MPP7: variants seen among roughly 807,000 people sequenced by gnomAD.
The protein encoded by MPP7 is MAGUK p55 scaffold protein 7.
Under a neutral mutation model 76.5 loss-of-function variants are expected in MPP7, and 60 were observed. The observed-to-expected ratio is 0.78, with a 90% CI of 0.64 to 0.97. MPP7 has a LOEUF of 0.97. Ranked by LOEUF, MPP7 falls within the 50% of genes least tolerant of loss-of-function variation. The pLI, the probability that MPP7 is intolerant of heterozygous loss-of-function variation, is 0.00. For missense variants in MPP7, 641 were observed against 694.0 expected (o/e 0.92, Z 0.86); for synonymous variants, 237 against 244.5 (o/e 0.97, Z 0.29).
At chr10:28,114,790 A>T (rs1490686434) in intron 11 of MPP7, among the ~76,000 whole-genome samples, 1 of 152,212 alleles carries the variant, frequency 6.6e-6, no homozygotes, top group Admixed American at 6.5e-5. Flanking sequence ...AGGACAAAAT[A>T]CAAGAGACAA....
chr10:28,082,092 T>G (rs970213679), intron 12 of MPP7, among the ~76,000 whole-genome samples: 3 of 152,182 alleles, frequency 2.0e-5, no homozygotes, highest in Non-Finnish European at 4.4e-5. Flanking sequence ...ACTTATACTT[T>G]TTCCATCTTC....
chr10:28,256,949 T>A (rs1468301344), intron 1 of MPP7, among the ~76,000 whole-genome samples: 1 of 152,188 alleles, frequency 6.6e-6, no homozygotes, highest in Admixed American at 6.5e-5. Context: ...AGAGACAAAT[T>A]CCTATTTGAT....
At chr10:28,331,669 G>C (rs1834470843) in intron 1 of MPP7, among the ~76,000 whole-genome samples, 1 of 152,038 alleles carries the variant, frequency 6.6e-6, no homozygotes, top group Admixed American at 6.6e-5. Flanking sequence ...CCACCTCCAG[G>C]GTTCAAGCGA....
At position 28,170,182 on chromosome 10, in the gene MPP7, T is replaced by C. The variant is rs369720391; in HGVS notation, c.157-20123A>G. On this transcript the variant is annotated intron_variant, in intron 3 of 16. Coordinates refer to ENST00000683449, the MANE Select transcript of MPP7 (RefSeq NM_001318170.2). The stretch of plus-strand genomic sequence containing the variant: ...TTCTGCCTTTATGTATATACATATA[T>C]ATGTTTCTATTTATGTATATGTTCT... Among the ~76,000 whole-genome samples, 12 of 152,148 alleles carry C rather than the reference T, an allele frequency of 7.9e-5. No homozygotes were observed. The East Asian group carries it at 1.3e-3, about 17-fold the overall frequency.
intron 1 of MPP7, among the ~76,000 whole-genome samples, chr10:28,277,020 C>T (rs1018279886): frequency 6.6e-6 from 1 of 151,722 alleles, no homozygotes; most frequent in Non-Finnish European, 1.5e-5. Context: ...TAGTGAGATG[C>T]TGCCTCTACA....
At chr10:28,277,707 G>A (rs1418927821) in intron 1 of MPP7, among the ~76,000 whole-genome samples, 1 of 152,116 alleles carries the variant, frequency 6.6e-6, no homozygotes, top group Non-Finnish European at 1.5e-5. Context: ...CAAAGCAGCA[G>A]CTGTAGTAAT....
At position 28,303,012 on chromosome 10, in the gene MPP7, G is replaced by A. The variant is rs1349305709; in HGVS notation, c.-283C>T. 6.7e-6 allele frequency among the ~76,000 whole-genome samples: 1 copy of A among 150,112 alleles called. No homozygotes were observed. Among genetic ancestry groups the A allele is most frequent in the South Asian group, 2.1e-4 (1 of 4,830 alleles). On this transcript the variant is annotated 5_prime_UTR_variant, in exon 1 of 17. Coordinates refer to ENST00000683449, the MANE Select transcript of MPP7 (RefSeq NM_001318170.2). ...GGCACCGCCGCGGCGGGCGCAGAAC[G>A]CACGAGCCCAGTGGGAGCCCGGCCC...
chr10:28,108,392 T>G (rs781453005), intron 11 of MPP7, among the ~76,000 whole-genome samples: 1 of 152,144 alleles, frequency 6.6e-6, no homozygotes, highest in Non-Finnish European at 1.5e-5. Flanking sequence ...CAGTGGCTCA[T>G]GCCTATAATC....
chr10:28,328,999 A>T (rs1171572644), intron 2 of MPP7, among the ~76,000 whole-genome samples: 4 of 152,192 alleles, frequency 2.6e-5, no homozygotes, highest in Non-Finnish European at 4.4e-5. Context: ...AAAATGTATT[A>T]TAAAGGTACT....
At chr10:28,264,497 C>T (rs1247255456) in intron 1 of MPP7, among the ~76,000 whole-genome samples, 1 of 152,010 alleles carries the variant, frequency 6.6e-6, no homozygotes, top group Non-Finnish European at 1.5e-5. Flanking sequence ...TTAAATTAGA[C>T]CGTCCTGGTG....
chr10:28,231,038 T>A (rs572586052), intron 2 of MPP7, among the ~76,000 whole-genome samples: 1 of 152,270 alleles, frequency 6.6e-6, no homozygotes, highest in Non-Finnish European at 1.5e-5. Context: ...AATATACCTA[T>A]GGTTAAACAT....
intron 1 of MPP7, among the ~76,000 whole-genome samples, chr10:28,294,824 C>G (rs1841002669): frequency 6.6e-6 from 1 of 152,200 alleles, no homozygotes; most frequent in Admixed American, 6.5e-5. Context: ...CACTTACATT[C>G]ACAACAAAAT....
At chr10:28,129,216 TACTGTACAA>T (rs1486397704) in intron 6 of MPP7, among the ~76,000 whole-genome samples, 15 of 152,294 alleles carry the variant, frequency 9.8e-5, no homozygotes, top group African/African-American at 3.6e-4. Flanking sequence ...TTACACGTGA[TACTGTACAA>T]AAGTCATCAA....
At chr10:28,123,432 T>C (rs1351244803) in intron 8 of MPP7, among the ~76,000 whole-genome samples, 1 of 150,814 alleles carries the variant, frequency 6.6e-6, no homozygotes, top group East Asian at 1.9e-4. Context: ...CTGCTAAGTA[T>C]AGACTTGGGA....
intron 1 of MPP7, among the ~76,000 whole-genome samples, chr10:28,274,911 T>C (rs564971341): frequency 6.6e-6 from 1 of 152,314 alleles, no homozygotes; most frequent in African/African-American, 2.4e-5. Context: ...ATTTTATCCT[T>C]AGATTCTAAG....
At chr10:28,102,574 C>T (rs901728753) in intron 11 of MPP7, among the ~76,000 whole-genome samples, 1 of 152,126 alleles carries the variant, frequency 6.6e-6, no homozygotes, top group African/African-American at 2.4e-5. Flanking sequence ...GATGTCAACT[C>T]AATACGCCTC....
At chr10:28,163,386 TCTTA>T (rs1836331155) in intron 3 of MPP7, among the ~76,000 whole-genome samples, 1 of 152,178 alleles carries the variant, frequency 6.6e-6, no homozygotes, top group South Asian at 2.1e-4. Context: ...TGTGATCCCA[TCTTA>T]CTATCTTACC....
chr10:28,117,923 AAG>A (rs1376309072), intron 11 of MPP7, among the ~76,000 whole-genome samples: 1 of 152,090 alleles, frequency 6.6e-6, no homozygotes, highest in Non-Finnish European at 1.5e-5. Context: ...CTAGTTTAAT[AAG>A]AGAGACAGAG....
rs1041592094 is a variant in MPP7 at position 28,053,738 on chromosome 10, G to A, written c.*327C>T. 2.2e-5 allele frequency: 5 copies of A among 226,906 alleles called. No homozygotes were observed. The highest frequency in any genetic ancestry group is 1.3e-4 in the East Asian group (1 of 7,598). The allele number at this position is 226,906 out of a possible 1,614,324, so 14.1% of individuals were successfully genotyped here. A position where few individuals can be genotyped will look rare whatever the true frequency, so the allele number is the denominator to read the frequency against. The stretch of plus-strand genomic sequence containing the variant: ...AGCCACACCTGAGACCAGCAGAAGC[G>A]CTGAACTCCCATACATACTAAGCCT... On this transcript the variant is annotated 3_prime_UTR_variant, in exon 17 of 17. Transcript: ENST00000683449.
Sources: allele counts gnomAD v4.1 joint callset (sites outside exome capture counted in the v4.1 genomes callset), GRCh38; gene constraint gnomAD v4.1.1; transcripts MANE v1.5; gene names NCBI Gene and HGNC (gene_info 2026-07-23, HGNC 2026-07-21).